The following ARHGAP8 variants were observed in gnomAD, a reference collection of about 807,000 sequenced individuals.
ARHGAP8 encodes the protein Rho GTPase activating protein 8.
A neutral mutation model predicts 46.1 loss-of-function variants in ARHGAP8; 62 were observed. The ratio of observed to expected loss-of-function variants is 1.34; its 90% confidence interval spans 1.10 to 1.66. The LOEUF is 1.66. ARHGAP8 is among the 40% of genes most tolerant of loss of function. The pLI, the probability that ARHGAP8 is intolerant of heterozygous loss-of-function variation, is 0.00. For synonymous variants in ARHGAP8, 375 were observed against 243.1 expected, an observed-to-expected ratio of 1.54 and a Z score of -5.05; for missense variants, 923 against 568.4, an observed-to-expected ratio of 1.62 and a Z score of -6.34.
intron 10 of ARHGAP8, among the ~76,000 whole-genome samples, chr22:44,857,738 C>G (rs750819406): frequency 5.3e-5 from 8 of 152,140 alleles, no homozygotes; most frequent in Admixed American, 2.6e-4. Flanking sequence ...AGAGAGTCCT[C>G]GAGGCCCAGC....
intron 10 of ARHGAP8, among the ~76,000 whole-genome samples, chr22:44,857,297 G>A (rs571905441): frequency 1.6e-4 from 25 of 152,268 alleles, no homozygotes; most frequent in Non-Finnish European, 1.3e-4. Flanking sequence ...TCTCTGTGCA[G>A]CTCCCAGACC....
intron 11 of ARHGAP8, among the ~76,000 whole-genome samples, chr22:44,860,062 C>G (rs369916655): frequency 2.0e-5 from 3 of 151,800 alleles, no homozygotes; most frequent in African/African-American, 7.3e-5. Flanking sequence ...CTGCCTGCTC[C>G]TGTACCTGCT....
In ARHGAP8 at chr22:44,862,744, T is replaced by A. The variant is rs544340608; in HGVS notation, c.*149T>A. 15 of 961,978 alleles carry A rather than the reference T, an allele frequency of 1.6e-5. No homozygotes were observed. Among genetic ancestry groups the A allele is most frequent in the Middle Eastern group, 2.7e-4 (1 of 3,670 alleles). The allele number at this position is 961,978 out of a possible 1,614,324, so 59.6% of individuals were successfully genotyped here. On this transcript the variant is annotated 3_prime_UTR_variant, in exon 12 of 12. Coordinates refer to ENST00000356099, the MANE Select transcript of ARHGAP8 (RefSeq NM_181335.3). The stretch of plus-strand genomic sequence containing the variant: ...AACTCCATGCCTCTGGTCCTTGGAC[T>A]CTTGTCCATGGTTCCTGAGCTGTGG...
chr22:44,862,686 A>AGCC lies in ARHGAP8; in HGVS notation c.*92_*94dup. ...AAACTTGGCATCTGTAAAAATAACC[A>AGCC]GCCATTAGATGAATTCAGAACCTTC... On this transcript the variant is annotated 3_prime_UTR_variant, in exon 12 of 12. Transcript: ENST00000356099. The AGCC allele has an allele frequency of 2.8e-6, 4 of 1,427,206 alleles. No individual in the cohort carries two copies. Among genetic ancestry groups the AGCC allele is most frequent in the Non-Finnish European group, 3.7e-6 (4 of 1,077,956 alleles). 88.4% of individuals were successfully genotyped at this position (1,427,206 alleles called of 1,614,324 possible). A position where few individuals can be genotyped will look rare whatever the true frequency, so the allele number is the denominator to read the frequency against.
intron 5 of ARHGAP8, among the ~76,000 whole-genome samples, chr22:44,818,219 TG>T (rs1185997251): frequency 6.6e-6 from 1 of 152,044 alleles, no homozygotes; most frequent in Non-Finnish European, 1.5e-5. Flanking sequence ...GAGGCCGAGA[TG>T]GGAGGATCAC....
At chr22:44,831,409 T>C (rs995266660) in intron 7 of ARHGAP8, among the ~76,000 whole-genome samples, 1 of 152,086 alleles carries the variant, frequency 6.6e-6, no homozygotes, top group African/African-American at 2.4e-5. Context: ...GAAAAGACTT[T>C]TCCTGGCCAG....
chr22:44,763,368 G>A (rs132457), intron 1 of ARHGAP8, among the ~76,000 whole-genome samples: 88,271 of 150,984 alleles, frequency 0.58, 26,229 homozygotes, highest in African/African-American at 0.69. Context: ...GTAGTGGTGC[G>A]TGCCTGTAAT....
At chr22:44,775,539 C>G (rs1405620057) in intron 1 of ARHGAP8, among the ~76,000 whole-genome samples, 2 of 152,120 alleles carry the variant, frequency 1.3e-5, no homozygotes. Flanking sequence ...CCTCTGCCTC[C>G]CGGGTTCAAG....
At chr22:44,764,614 C>T (rs571745704) in intron 1 of ARHGAP8, among the ~76,000 whole-genome samples, 1 of 152,206 alleles carries the variant, frequency 6.6e-6, no homozygotes, top group East Asian at 1.9e-4. Context: ...TGCCTTTGGG[C>T]AAGCCCTCAC....
intron 1 of ARHGAP8, among the ~76,000 whole-genome samples, chr22:44,785,633 G>A (rs571072716): frequency 2.8e-3 from 426 of 152,230 alleles, no homozygotes; most frequent in South Asian, 7.7e-3. Flanking sequence ...CTGGGGTGGG[G>A]AGGGGATAGT....
intron 1 of ARHGAP8, among the ~76,000 whole-genome samples, chr22:44,782,863 T>G (rs1926942372): frequency 6.6e-6 from 1 of 152,106 alleles, no homozygotes; most frequent in South Asian, 2.1e-4. Flanking sequence ...CTTGGCTGGG[T>G]CGTAGGTTTG....
rs779705027 is a variant in ARHGAP8 at position 44,862,271 on chromosome 22, C to T, written c.982-4C>T. ...CCCCTTTACTTGTGTGTGGTTTCCT[C>T]CAGGTGTCCCGGGAGAGCATCTTCA... is the stretch of plus-strand genomic sequence containing the variant. On this transcript the variant is annotated splice_region_variant and splice_polypyrimidine_tract_variant and intron_variant, in intron 11 of 11. Coordinates refer to ENST00000356099, the MANE Select transcript of ARHGAP8 (RefSeq NM_181335.3). 1.9e-6 allele frequency: 3 copies of T among 1,584,778 alleles called. No homozygotes were observed. The highest frequency in any genetic ancestry group is 2.6e-6 in the Non-Finnish European group (3 of 1,160,714).
chr22:44,757,174 C>T (rs192271491), intron 1 of ARHGAP8, among the ~76,000 whole-genome samples: 93 of 152,264 alleles, frequency 6.1e-4, no homozygotes, highest in Non-Finnish European at 9.8e-4. Context: ...TCTTGGCCCC[C>T]CAAAGTGCTG....
At chr22:44,804,953 C>T (rs959973887) in intron 3 of ARHGAP8, among the ~76,000 whole-genome samples, 4 of 152,154 alleles carry the variant, frequency 2.6e-5, no homozygotes, top group Admixed American at 6.5e-5. Flanking sequence ...ATTCATGGGG[C>T]GAGCTTGGAT....
In ARHGAP8 at chr22:44,794,674, C is replaced by T. The variant is rs192781750; in HGVS notation, c.80-7403C>T. 5.3e-3 allele frequency among the ~76,000 whole-genome samples: 807 copies of T among 152,180 alleles called. 7 individuals are homozygous for T. Among genetic ancestry groups the T allele is most frequent in the African/African-American group, 0.018 (765 of 41,500 alleles). ...GCTGTGAGCCGAGATTGGGCCACTG[C>T]ACTCCAGCCTGGGTGACAAAGCAAG... On this transcript the variant is annotated intron_variant, in intron 2 of 11. Coordinates refer to ENST00000356099, the MANE Select transcript of ARHGAP8 (RefSeq NM_181335.3).
At chr22:44,859,607 C>T (rs865798475) in intron 10 of ARHGAP8, 124 bp from the exon 11 acceptor site, 2 of 1,054,370 alleles carry the variant, frequency 1.9e-6, no homozygotes, top group African/African-American at 1.6e-5. Context: ...GGGTCCCAAG[C>T]CCAAATGTGG....
chr22:44,819,441 G>A (rs147012052), intron 5 of ARHGAP8, among the ~76,000 whole-genome samples: 2 of 152,222 alleles, frequency 1.3e-5, no homozygotes, highest in Admixed American at 6.5e-5. Flanking sequence ...GGAGGCCAAT[G>A]TGGGCAGATT....
At chr22:44,820,604 C>G (rs1399674307) in intron 5 of ARHGAP8, among the ~76,000 whole-genome samples, 2 of 152,164 alleles carry the variant, frequency 1.3e-5, no homozygotes, top group Non-Finnish European at 2.9e-5. Flanking sequence ...GGTGCAGGCA[C>G]TAAGGCAGGC....
chr22:44,848,087 T>C (rs2070003786), intron 9 of ARHGAP8, 37 bp downstream of exon 9: 3 of 1,600,882 alleles, frequency 1.9e-6, no homozygotes, highest in Non-Finnish European at 2.5e-6. Flanking sequence ...CCGAGCTGCC[T>C]GGTCAGCGAG....
Sources: gnomAD v4.1 joint callset for allele counts (sites outside exome capture counted in the v4.1 genomes callset) on GRCh38, gnomAD v4.1.1 for gene constraint, MANE v1.5 for transcripts, NCBI Gene and HGNC (gene_info 2026-07-23, HGNC 2026-07-21) for gene names.